The following MKRN2OS variants were observed in gnomAD, a reference collection of about 807,000 sequenced individuals.
MKRN2OS encodes MKRN2 opposite strand protein.
In MKRN2OS, 17 loss-of-function variants were observed where a neutral mutation model predicts 18.2. The ratio of observed to expected loss-of-function variants is 0.93; its 90% CI spans 0.64 to 1.40. The LOEUF is 1.40. Ranked by LOEUF, MKRN2OS falls within the 40% of genes most tolerant of loss-of-function variation. The pLI is 0.00. For missense variants in MKRN2OS, 337 were observed against 283.0 expected (o/e 1.19, Z -1.37); for synonymous variants, 121 against 108.5 (o/e 1.12, Z -0.72).
intron 1 of MKRN2OS, among the ~76,000 whole-genome samples, chr3:12,556,740 AGAG>A (rs1268611232): frequency 2.0e-5 from 3 of 152,156 alleles, no homozygotes; most frequent in East Asian, 1.9e-4. Flanking sequence ...TCCGGGATTA[AGAG>A]GAGAGGCTGG....
Position 12,559,762 on chromosome 3 carries a change from C to A in MKRN2OS, n.264+995G>T, listed in dbSNP as rs1462512765. Among the ~76,000 whole-genome samples the A allele has an allele frequency of 2.0e-5, 3 of 152,216 alleles. No homozygotes were observed. The East Asian group carries it at 5.8e-4, about 29-fold the overall frequency. The stretch of plus-strand genomic sequence containing the variant: ...CCTTTTTGCTGATTCCCCTCCCCCA[C>A]AACCATCTCCCTGTCTTCCAGTCTG... On this transcript the variant is annotated intron_variant and non_coding_transcript_variant, in intron 1 of 1. Coordinates refer to the MKRN2OS transcript ENST00000447550.
intron 1 of MKRN2OS, among the ~76,000 whole-genome samples, chr3:12,543,715 G>A (rs767845703): frequency 1.0e-4 from 15 of 149,640 alleles, no homozygotes; most frequent in Non-Finnish European, 1.5e-4. Context: ...GCGAAACCTC[G>A]TCTCTACTAA....
downstream of MKRN2OS, among the ~76,000 whole-genome samples, chr3:12,551,194 TAAAA>T (rs56389348): frequency 1.5e-5 from 2 of 136,858 alleles, no homozygotes; most frequent in Non-Finnish European, 1.6e-5. Flanking sequence ...TACACTTTAT[TAAAA>T]AAAAAAAAAA....
intron 1 of MKRN2OS, among the ~76,000 whole-genome samples, chr3:12,544,873 C>T (rs2057864409): frequency 6.6e-6 from 1 of 152,140 alleles, no homozygotes; most frequent in African/African-American, 2.4e-5. Flanking sequence ...GTTCATCGGG[C>T]CCTGTAGGTT....
At chr3:12,554,568 C>G (rs569106133) in intron 1 of MKRN2OS, among the ~76,000 whole-genome samples, 1 of 151,884 alleles carries the variant, frequency 6.6e-6, no homozygotes, top group South Asian at 2.1e-4. Context: ...TGTGCCCGAT[C>G]CAGTGTTTTA....
upstream of MKRN2OS, among the ~76,000 whole-genome samples, chr3:12,547,164 AG>A (rs1325590619): frequency 6.6e-6 from 1 of 152,210 alleles, no homozygotes; most frequent in African/African-American, 2.4e-5. Flanking sequence ...TTGGAAAAAA[AG>A]TAATGCCCCT....
chr3:12,552,829 C>T (rs1045176006), downstream of MKRN2OS, among the ~76,000 whole-genome samples: 3 of 151,754 alleles, frequency 2.0e-5, no homozygotes, highest in African/African-American at 7.3e-5. Context: ...TTGAAACCAG[C>T]CTGGGCAACA....
chr3:12,557,038 G>T, intron 1 of MKRN2OS: 1 of 840,588 alleles, frequency 1.2e-6, no homozygotes, highest in South Asian at 3.2e-5. Context: ...GGCGTGCGCC[G>T]GCGTGCGCCG....
intron 1 of MKRN2OS, chr3:12,557,239 G>A: frequency 2.0e-6 from 3 of 1,512,436 alleles, no homozygotes; most frequent in Non-Finnish European, 2.7e-6. Flanking sequence ...GCCGGTGCGC[G>A]CCAGTGCTGT....
At chr3:12,548,925 G>A (rs145602626), upstream of MKRN2OS, among the ~76,000 whole-genome samples, 479 of 151,834 alleles carry the variant, frequency 3.2e-3, 1 homozygote, top group African/African-American at 0.011. Context: ...ATTTTTAAAG[G>A]CATTTTATTT....
At chr3:12,546,040 C>T (rs1034807123), upstream of MKRN2OS, among the ~76,000 whole-genome samples, 2 of 152,114 alleles carry the variant, frequency 1.3e-5, no homozygotes, top group Non-Finnish European at 2.9e-5. Flanking sequence ...AAGAGGCCTT[C>T]CTCAGCCTCC....
chr3:12,545,627 C>A (rs2057875905), upstream of MKRN2OS: 6 of 526,610 alleles, frequency 1.1e-5, no homozygotes, highest in Non-Finnish European at 2.0e-5. Flanking sequence ...AGTAGCCAGG[C>A]CTCCCCATAG....
chr3:12,560,885 A>T (rs1456662066), exon 1 of MKRN2OS: 1 of 152,250 alleles, frequency 6.6e-6, no homozygotes, highest in East Asian at 1.9e-4. Flanking sequence ...GAGCAGTTGG[A>T]AATTCATTAC....
chr3:12,541,787 C>T (rs1319203032), intron 3 of MKRN2OS, 73 bp downstream of exon 3: 16 of 1,443,660 alleles, frequency 1.1e-5, no homozygotes, highest in African/African-American at 1.4e-5. Flanking sequence ...CCTCTGTGAG[C>T]TGAGGCTACA....
At chr3:12,555,127 G>A (rs540582296) in intron 1 of MKRN2OS, among the ~76,000 whole-genome samples, 1 of 152,208 alleles carries the variant, frequency 6.6e-6, no homozygotes, top group Non-Finnish European at 1.5e-5. Context: ...CTGGGCAACA[G>A]GGTGAAACCC....
At chr3:12,558,131 G>A (rs2057999016) in intron 1 of MKRN2OS, among the ~76,000 whole-genome samples, 1 of 152,234 alleles carries the variant, frequency 6.6e-6, no homozygotes. Flanking sequence ...GTAATAAACA[G>A]TTTATTTTCT....
intron 3 of MKRN2OS, among the ~76,000 whole-genome samples, 190 bp from the exon 4 acceptor site, chr3:12,540,623 C>T (rs1438772052): frequency 6.6e-6 from 1 of 152,030 alleles, no homozygotes; most frequent in Non-Finnish European, 1.5e-5. Context: ...CCTGTAATCC[C>T]AGCACTTTGG....
Position 12,545,389 on chromosome 3 carries a change from G to A in MKRN2OS, c.76C>T (p.Pro26Ser). Residue 26 changes from proline (P) to serine (S), a missense_variant, in exon 1 of 4, where the codon CCC becomes TCC. Pro to Ser is a moderately conservative substitution (Grantham distance 74, BLOSUM62 -1). Transcript: ENST00000564146. The part of the protein sequence containing the change: ...CEKYIYSFSV[P>S]QCCPLCQQDL... The stretch of plus-strand genomic sequence containing the variant: ...TGCTGGCAGAGAGGGCAGCACTGGG[G>A]CACACTGAAGCTGTAGATGTATTTC... 4 of 1,535,896 alleles carry A rather than the reference G, an allele frequency of 2.6e-6. No individual in the cohort carries two copies. Among genetic ancestry groups the A allele is most frequent in the Non-Finnish European group, 3.5e-6 (4 of 1,146,844 alleles).
At chr3:12,552,078 G>A (rs58377235), downstream of MKRN2OS, among the ~76,000 whole-genome samples, 2,155 of 152,230 alleles carry the variant, frequency 0.014, 53 homozygotes, top group African/African-American at 0.047. Context: ...CCAGCACTTT[G>A]GGAGGCCGAG....
Sources: allele counts gnomAD v4.1 joint callset (sites outside exome capture counted in the v4.1 genomes callset), GRCh38; gene constraint gnomAD v4.1.1; transcripts MANE v1.5; gene names NCBI Gene and HGNC (gene_info 2026-07-23, HGNC 2026-07-21).